Variants in LHFPL3 observed in about 807,000 individuals in gnomAD.
The protein encoded by LHFPL3 is LHFPL tetraspan subfamily member 3 protein.
LHFPL3 carries 5 observed loss-of-function variants against 19.3 expected under a neutral mutation model. The observed-to-expected ratio is 0.26, with a 90% CI of 0.14 to 0.54. The LOEUF is 0.54. Among genes scored for constraint, LHFPL3 ranks in the 20% least tolerant of loss-of-function variants. LHFPL3 has a pLI of 0.94. For synonymous variants in LHFPL3, 133 were observed against 126.2 expected, an observed-to-expected ratio of 1.05 and a Z score of -0.36; for missense variants, 249 against 307.4, an observed-to-expected ratio of 0.81 and a Z score of 1.42.
intron 1 of LHFPL3, among the ~76,000 whole-genome samples, chr7:104,450,368 A>G (rs1474502150): frequency 1.3e-5 from 2 of 152,164 alleles, no homozygotes; most frequent in African/African-American, 4.8e-5. Context: ...ATCCTTTTTT[A>G]TGGCTGCATG....
chr7:104,570,034 T>C (rs1401018895), intron 1 of LHFPL3, among the ~76,000 whole-genome samples: 2 of 152,208 alleles, frequency 1.3e-5, no homozygotes, highest in Non-Finnish European at 2.9e-5. Context: ...TATGCGAAAA[T>C]GCTAATTTCT....
intron 1 of LHFPL3, among the ~76,000 whole-genome samples, chr7:104,391,228 C>T (rs1384597465): frequency 6.6e-6 from 1 of 152,220 alleles, no homozygotes; most frequent in Admixed American, 6.5e-5. Context: ...GTTGCCATTG[C>T]TTTTGGTGTT....
intron 1 of LHFPL3, among the ~76,000 whole-genome samples, chr7:104,619,082 C>T (rs905765921): frequency 3.3e-5 from 5 of 152,158 alleles, no homozygotes; most frequent in African/African-American, 1.2e-4. Context: ...AGCGGTGCTT[C>T]CTGTGCTTTG....
chr7:104,447,143 T>G (rs765697180), intron 1 of LHFPL3, among the ~76,000 whole-genome samples: 18 of 152,200 alleles, frequency 1.2e-4, no homozygotes, highest in Admixed American at 3.9e-4. Context: ...TTTATACAAT[T>G]CTTTTTCTAG....
chr7:104,403,757 C>G (rs1277785234), intron 1 of LHFPL3, among the ~76,000 whole-genome samples: 2 of 132,648 alleles, frequency 1.5e-5, no homozygotes, highest in East Asian at 2.2e-4. Flanking sequence ...CTCTCTCTCT[C>G]TCATCATTAG....
At chr7:104,453,447 T>C (rs927651393) in intron 1 of LHFPL3, among the ~76,000 whole-genome samples, 2 of 152,120 alleles carry the variant, frequency 1.3e-5, no homozygotes, top group Non-Finnish European at 2.9e-5. Context: ...TCTTTCTTAA[T>C]TACATTTCAA....
chr7:104,508,245 G>T (rs1339498219), intron 1 of LHFPL3, among the ~76,000 whole-genome samples: 2 of 151,960 alleles, frequency 1.3e-5, no homozygotes, highest in South Asian at 4.2e-4. Flanking sequence ...TTAAGAAAAT[G>T]TGGCACATAT....
At chr7:104,394,284 G>T (rs1791139427) in intron 1 of LHFPL3, among the ~76,000 whole-genome samples, 1 of 152,144 alleles carries the variant, frequency 6.6e-6, no homozygotes, top group African/African-American at 2.4e-5. Flanking sequence ...TTTCTAACAA[G>T]CTCCCAGGTT....
chr7:104,595,173 G>A (rs564965181), intron 1 of LHFPL3, among the ~76,000 whole-genome samples: 6 of 152,156 alleles, frequency 3.9e-5, no homozygotes, highest in African/African-American at 1.4e-4. Context: ...CCATCTTTGT[G>A]GTTATATCTA....
intron 1 of LHFPL3, among the ~76,000 whole-genome samples, chr7:104,384,787 CAAAAAAAAAA>C (rs771136918): frequency 5.4e-5 from 4 of 74,564 alleles, no homozygotes; most frequent in Non-Finnish European, 1.0e-4. Flanking sequence ...AACTCTATTT[CAAAAAAAAAA>C]AAAAAAAAAA....
chr7:104,469,571 G>A (rs1016083483), intron 1 of LHFPL3, among the ~76,000 whole-genome samples: 3 of 152,146 alleles, frequency 2.0e-5, no homozygotes, highest in African/African-American at 7.2e-5. Flanking sequence ...CCACACAACT[G>A]AGGCAGCTAA....
intron 1 of LHFPL3, among the ~76,000 whole-genome samples, chr7:104,403,943 A>G (rs1791367416): frequency 6.6e-6 from 1 of 152,228 alleles, no homozygotes; most frequent in Non-Finnish European, 1.5e-5. Flanking sequence ...TCTGAAAACT[A>G]TGTGAAGTCC....
intron 1 of LHFPL3, among the ~76,000 whole-genome samples, chr7:104,508,353 A>G (rs1344276781): frequency 3.3e-5 from 5 of 151,274 alleles, no homozygotes; most frequent in South Asian, 2.1e-4. Context: ...GTAAACTATC[A>G]CAAGAACAAA....
At chr7:104,892,929 T>C (rs903595966) in intron 2 of LHFPL3, among the ~76,000 whole-genome samples, 2 of 152,154 alleles carry the variant, frequency 1.3e-5, no homozygotes, top group African/African-American at 4.8e-5. Context: ...TTTAAATGGC[T>C]GTATAGGCTG....
chr7:104,340,430 G>A (rs1055126793), intron 1 of LHFPL3, among the ~76,000 whole-genome samples: 9 of 152,030 alleles, frequency 5.9e-5, no homozygotes, highest in African/African-American at 2.2e-4. Flanking sequence ...TAGGATTATT[G>A]AATTAATGCA....
chr7:104,722,958 T>G (rs1402462735), intron 1 of LHFPL3, among the ~76,000 whole-genome samples: 1 of 152,204 alleles, frequency 6.6e-6, no homozygotes, highest in Non-Finnish European at 1.5e-5. Context: ...TTCACAACGT[T>G]AAAAGCCCCA....
chr7:104,461,495 A>G (rs114270316), intron 1 of LHFPL3, among the ~76,000 whole-genome samples: 11 of 152,156 alleles, frequency 7.2e-5, no homozygotes, highest in Admixed American at 4.6e-4. Flanking sequence ...GTCAGCTTTG[A>G]TGAAGATCAG....
chr7:104,720,414 G>T (rs575534969), intron 1 of LHFPL3, among the ~76,000 whole-genome samples: 1 of 152,128 alleles, frequency 6.6e-6, no homozygotes, highest in Non-Finnish European at 1.5e-5. Context: ...AGACTTACAT[G>T]TTAGACCTAA....
chr7:104,584,519 G>T (rs1790528089), intron 1 of LHFPL3, among the ~76,000 whole-genome samples: 1 of 151,954 alleles, frequency 6.6e-6, no homozygotes, highest in South Asian at 2.1e-4. Context: ...TATTAGAGAA[G>T]TTTTGCCACA....
Sources: gnomAD v4.1 joint callset for allele counts (sites outside exome capture counted in the v4.1 genomes callset) on GRCh38, gnomAD v4.1.1 for gene constraint, MANE v1.5 for transcripts, NCBI Gene and HGNC (gene_info 2026-07-23, HGNC 2026-07-21) for gene names.